DPP10: variants seen among roughly 807,000 people sequenced by gnomAD.
The protein encoded by DPP10 is inactive dipeptidyl peptidase 10.
A neutral mutation model predicts 120.9 loss-of-function variants in DPP10; 33 were observed. The ratio of observed to expected loss-of-function variants is 0.27; its 90% CI spans 0.21 to 0.37. DPP10 has a LOEUF of 0.37. Ranked by LOEUF, DPP10 falls within the 10% of genes least tolerant of loss-of-function variation. DPP10 has a pLI of 1.00. For synonymous variants in DPP10, 337 were observed against 326.1 expected (o/e 1.03, Z -0.36); for missense variants, 816 against 942.8 (o/e 0.87, Z 1.76).
rs1047183498 is a variant in DPP10 at position 115,763,342 on chromosome 2, C to G, written c.1113+732C>G. Among the ~76,000 whole-genome samples, 5 of 152,078 alleles carry G rather than the reference C, an allele frequency of 3.3e-5. No homozygotes were observed. In the East Asian group the frequency reaches 9.6e-4, roughly 29 times the overall value. On this transcript the variant is annotated intron_variant, in intron 12 of 25. Transcript: ENST00000410059. ...ATTTATCCAGACACTTCAGTGAGTT[C>G]TGAAATATCCAAATTTATGCTTGCC... is the stretch of plus-strand genomic sequence containing the variant.
chr2:115,169,367 T>G (rs904670007), intron 1 of DPP10, among the ~76,000 whole-genome samples: 20 of 152,276 alleles, frequency 1.3e-4, no homozygotes, highest in Non-Finnish European at 7.4e-5. Flanking sequence ...TTTACAAAAG[T>G]AAATTTGCAC....
chr2:115,449,549 G>A (rs2072929152), intron 3 of DPP10, among the ~76,000 whole-genome samples: 1 of 152,028 alleles, frequency 6.6e-6, no homozygotes, highest in African/African-American at 2.4e-5. Flanking sequence ...ACATAGTAAA[G>A]CATTAGTGAC....
chr2:114,892,654 G>T (rs1203490024), intron 1 of DPP10, among the ~76,000 whole-genome samples: 2 of 152,190 alleles, frequency 1.3e-5, no homozygotes, highest in African/African-American at 4.8e-5. Flanking sequence ...CAGTGGAACT[G>T]TTCTTCTCCT....
intron 1 of DPP10, among the ~76,000 whole-genome samples, chr2:115,204,714 G>A (rs2055999359): frequency 6.6e-6 from 1 of 152,152 alleles, no homozygotes; most frequent in South Asian, 2.1e-4. Flanking sequence ...CTGTCTGCCT[G>A]TTCTGTCAGA....
At chr2:114,490,102 C>G (rs1158513147) in intron 1 of DPP10, among the ~76,000 whole-genome samples, 1 of 152,180 alleles carries the variant, frequency 6.6e-6, no homozygotes, top group Non-Finnish European at 1.5e-5. Flanking sequence ...ACCTCTCTTG[C>G]AGCAATAGCA....
chr2:115,393,650 A>G (rs2067472687), intron 3 of DPP10, among the ~76,000 whole-genome samples: 1 of 152,198 alleles, frequency 6.6e-6, no homozygotes, highest in Non-Finnish European at 1.5e-5. Context: ...AGAAGAAGAG[A>G]GAGAGCATTG....
chr2:115,232,630 G>A (rs1211899011), intron 1 of DPP10, among the ~76,000 whole-genome samples: 2 of 152,178 alleles, frequency 1.3e-5, no homozygotes, highest in Admixed American at 6.5e-5. Flanking sequence ...ATGAGTGCTC[G>A]TATGCATTCT....
At chr2:114,567,035 C>CT (rs1689257644) in intron 1 of DPP10, among the ~76,000 whole-genome samples, 1 of 152,200 alleles carries the variant, frequency 6.6e-6, no homozygotes, top group African/African-American at 2.4e-5. Flanking sequence ...ACCCTTGCCT[C>CT]TGACTACCAT....
At chr2:115,324,401 T>A (rs1245265799) in intron 2 of DPP10, among the ~76,000 whole-genome samples, 2 of 152,214 alleles carry the variant, frequency 1.3e-5, no homozygotes, top group Non-Finnish European at 2.9e-5. Context: ...GATAACTGGC[T>A]GTAGTTTCTA....
At chr2:114,561,820 T>C (rs1018502975) in intron 1 of DPP10, among the ~76,000 whole-genome samples, 1 of 152,226 alleles carries the variant, frequency 6.6e-6, no homozygotes, top group Admixed American at 6.5e-5. Context: ...CTGTTATAAA[T>C]GGCCTCTGAC....
At chr2:115,658,675 A>G (rs77627276) in intron 5 of DPP10, among the ~76,000 whole-genome samples, 6,509 of 152,208 alleles carry the variant, frequency 0.043, 212 homozygotes, top group Non-Finnish European at 0.065. Context: ...CTTAAAGATA[A>G]CTGAAGAAGG....
At chr2:115,387,911 A>G (rs2067059814) in intron 3 of DPP10, among the ~76,000 whole-genome samples, 1 of 152,222 alleles carries the variant, frequency 6.6e-6, no homozygotes, top group African/African-American at 2.4e-5. Flanking sequence ...AAACAGAGAA[A>G]AAAAAGTAGA....
At chr2:114,615,089 G>A (rs987282847) in intron 1 of DPP10, among the ~76,000 whole-genome samples, 1 of 152,128 alleles carries the variant, frequency 6.6e-6, no homozygotes, top group African/African-American at 2.4e-5. Flanking sequence ...GCATCTATCA[G>A]GGGATGGTTA....
chr2:114,896,290 T>A (rs1427483457), intron 1 of DPP10, among the ~76,000 whole-genome samples: 1 of 152,210 alleles, frequency 6.6e-6, no homozygotes, highest in Admixed American at 6.5e-5. Context: ...GGTAGCTTTA[T>A]GGGGATGGCA....
intron 5 of DPP10, among the ~76,000 whole-genome samples, chr2:115,580,601 C>T (rs911496704): frequency 1.1e-4 from 16 of 152,026 alleles, no homozygotes; most frequent in Admixed American, 6.6e-4. Context: ...AGGCACATTT[C>T]GGTCTCATGG....
At chr2:114,823,496 A>T (rs979557072) in intron 1 of DPP10, among the ~76,000 whole-genome samples, 10 of 152,222 alleles carry the variant, frequency 6.6e-5, no homozygotes, top group Non-Finnish European at 1.0e-4. Context: ...AGCATTTATT[A>T]GTACTTATGA....
intron 1 of DPP10, among the ~76,000 whole-genome samples, chr2:115,049,415 A>G (rs1370338603): frequency 1.3e-5 from 2 of 152,128 alleles, no homozygotes; most frequent in African/African-American, 2.4e-5. Flanking sequence ...CTGTTTTACT[A>G]CCAAAACGAT....
At position 115,343,822 on chromosome 2, in the gene DPP10, C is replaced by G. The variant is rs2063568119; in HGVS notation, c.181C>G (p.Leu61Val). Residue 61 changes from leucine (L) to valine (V), a missense_variant, in exon 3 of 26, where the codon CTC becomes GTC. Physicochemically the swap from Leu to Val is conservative, Grantham distance 32. Transcript: ENST00000410059. ...TAGAATTTCCTTTATTTTAGATGAACTCACAAATTCGTCAGAAACCAGATT... is the reference window on the plus strand; with the variant it reads ...TAGAATTTCCTTTATTTTAGATGAAGTCACAAATTCGTCAGAAACCAGATT... ...MSVILLTPDE[L>V]TNSSETRLSL... 1 of 1,609,376 alleles carries G rather than the reference C, an allele frequency of 6.2e-7. No homozygotes were observed. Among genetic ancestry groups the G allele is most frequent in the African/African-American group, 1.3e-5 (1 of 74,596 alleles).
intron 5 of DPP10, among the ~76,000 whole-genome samples, chr2:115,624,039 G>C (rs1019058672): frequency 6.6e-6 from 1 of 151,576 alleles, no homozygotes; most frequent in Non-Finnish European, 1.5e-5. Flanking sequence ...CTGTAAATTA[G>C]TTATGGTAAT....
Sources: allele counts gnomAD v4.1 joint callset (sites outside exome capture counted in the v4.1 genomes callset), GRCh38; gene constraint gnomAD v4.1.1; transcripts MANE v1.5; gene names NCBI Gene and HGNC (gene_info 2026-07-23, HGNC 2026-07-21).